NUB1: variants seen among roughly 807,000 people sequenced by gnomAD.
NUB1 encodes negative regulator of ubiquitin like proteins 1.
A neutral mutation model predicts 77.1 loss-of-function variants in NUB1; 41 were observed. The ratio of observed to expected loss-of-function variants is 0.53; its 90% confidence interval spans 0.41 to 0.69. NUB1 has a LOEUF of 0.69. Ranked by LOEUF, NUB1 falls within the 30% of genes least tolerant of loss-of-function variation. The pLI is 0.00. For missense variants in NUB1, 643 were observed against 743.8 expected (o/e 0.86, Z 1.58); for synonymous variants, 257 against 281.0 (o/e 0.91, Z 0.85).
chr7:151,342,176 G>A (rs1163593646), intron 1 of NUB1, among the ~76,000 whole-genome samples: 1 of 152,196 alleles, frequency 6.6e-6, no homozygotes, highest in Non-Finnish European at 1.5e-5. Context: ...TGCTATACTT[G>A]AATCGTAACA....
In NUB1 at chr7:151,375,901, C is replaced by T. The variant is rs182317005; in HGVS notation, c.1449C>T (p.Thr483=). Residue 483 remains threonine (T), a synonymous_variant, in exon 13 of 15, where the codon ACC becomes ACT. Transcript: ENST00000568733. ...MWWLNDSNPE[T]DNRQESPSQE... ...GGTTAAATGATTCCAATCCTGAAAC[C>T]GACAACCGTCAAGAAAGTCCTTCCC... The T allele has an allele frequency of 2.0e-4, 325 of 1,613,312 alleles. 1 individual carries two copies. In the African/African-American group the frequency reaches 2.9e-3, roughly 15 times the overall value.
intron 14 of NUB1, 58 bp from the exon 15 acceptor site, chr7:151,376,989 C>T: frequency 6.9e-7 from 1 of 1,446,980 alleles, no homozygotes; most frequent in Non-Finnish European, 9.2e-7. Context: ...TGTGGTCGTG[C>T]AGTGTCCCCA....
In NUB1 at chr7:151,360,176, C is replaced by T; in HGVS notation, c.729C>T (p.Gly243=). 1 of 1,607,494 alleles carries T rather than the reference C, an allele frequency of 6.2e-7. No homozygotes were observed. Residue 243 remains glycine, a synonymous_variant, in exon 8 of 15, where the codon GGC becomes GGT. Transcript: ENST00000568733. ...LMLAMGYHEK[G]RAFLKRKEYG... ...TAGCTATGGGATATCATGAGAAGGG[C>T]AGAGCTTTCCTGAAAAGAAAAGAAT...
intron 2 of NUB1, 81 bp from the exon 3 acceptor site, chr7:151,348,992 C>T: frequency 7.6e-7 from 1 of 1,313,674 alleles, no homozygotes; most frequent in Non-Finnish European, 1.1e-6. Context: ...AGTTGATGGC[C>T]TTAGAGTCTT....
chr7:151,366,739 T>G (rs1461822596), intron 8 of NUB1, among the ~76,000 whole-genome samples, 200 bp from the exon 9 acceptor site: 1 of 152,222 alleles, frequency 6.6e-6, no homozygotes, highest in Non-Finnish European at 1.5e-5. Context: ...TTCTGATTTC[T>G]CTTTCTTTCC....
chr7:151,364,407 C>T (rs1797543846), intron 8 of NUB1, among the ~76,000 whole-genome samples: 1 of 140,072 alleles, frequency 7.1e-6, no homozygotes, highest in South Asian at 2.4e-4. Context: ...GAGGAGAGAG[C>T]GAGACTCCGT....
intron 13 of NUB1, chr7:151,376,425 T>C: frequency 1.8e-6 from 1 of 559,402 alleles, no homozygotes; most frequent in Non-Finnish European, 3.1e-6. Flanking sequence ...AGATGGCTGC[T>C]CCCTGACGCA....
chr7:151,377,745 C>G lies in NUB1; in HGVS notation c.*520C>G, dbSNP rs1195463762. 1 of 152,396 alleles carries G rather than the reference C, an allele frequency of 6.6e-6. No individual in the cohort carries two copies. Among genetic ancestry groups the G allele is most frequent in the African/African-American group, 2.4e-5 (1 of 41,454 alleles). The allele number at this position is 152,396 out of a possible 1,614,324, so 9.4% of individuals were successfully genotyped here. On this transcript the variant is annotated 3_prime_UTR_variant, in exon 15 of 15. Coordinates refer to ENST00000568733, the MANE Select transcript of NUB1 (RefSeq NM_001243351.2). ...GTCCTTTAAGTCTTCCTTCCAAGTG[C>G]TGTGGGGCATAACGATGAGGCGCTG...
At chr7:151,358,978 T>C (rs1385863684) in intron 7 of NUB1, among the ~76,000 whole-genome samples, 4 of 150,856 alleles carry the variant, frequency 2.7e-5, no homozygotes, top group Non-Finnish European at 5.9e-5. Context: ...GGTGGAAGAA[T>C]GGCGTGAACT....
rs1798298056 is a variant in NUB1 at position 151,376,776 on chromosome 7, TGTCCCCGCCAGCCAC to T, written c.1641_1655del (p.Pro548_Pro552del). 1 of 1,593,060 alleles carries T rather than the reference TGTCCCCGCCAGCCAC, an allele frequency of 6.3e-7. No homozygotes were observed. ...CTGCCGCTGTCGCCAGAAGACTCTT[TGTCCCCGCCAGCCAC>T]GTCCCCTTCTGACTCCGCAGGTAGG... On this transcript the variant is annotated inframe_deletion, in exon 14 of 15. Coordinates refer to ENST00000568733, the MANE Select transcript of NUB1 (RefSeq NM_001243351.2).
chr7:151,369,664 G>T (rs1797870084), intron 11 of NUB1, among the ~76,000 whole-genome samples: 1 of 152,164 alleles, frequency 6.6e-6, no homozygotes, highest in African/African-American at 2.4e-5. Context: ...AAGAACTGAG[G>T]TCTAGAGGGC....
At chr7:151,343,126 A>G (rs1796291886) in intron 1 of NUB1, among the ~76,000 whole-genome samples, 1 of 152,224 alleles carries the variant, frequency 6.6e-6, no homozygotes, top group African/African-American at 2.4e-5. Flanking sequence ...TATGTAAAGT[A>G]GTTTTTAAAG....
intron 8 of NUB1, among the ~76,000 whole-genome samples, chr7:151,364,375 T>C (rs1342753523): frequency 1.3e-5 from 2 of 148,870 alleles, no homozygotes; most frequent in African/African-American, 4.9e-5. Flanking sequence ...GAGCCGAGAT[T>C]GCACCACTGC....
At chr7:151,356,050 A>G in intron 6 of NUB1, 78 bp from the exon 7 acceptor site, 2 of 1,548,320 alleles carry the variant, frequency 1.3e-6, no homozygotes, top group Non-Finnish European at 1.8e-6. Flanking sequence ...TCACCTCAAC[A>G]GTCTAACATT....
Position 151,357,413 on chromosome 7 carries a change from T to A in NUB1, c.693+1191T>A, listed in dbSNP as rs543806324. ...TTCTGGGATTACAGGTGTGAGCCACTGCACCCAGCCCCTTGGGGGCCTCTA... is the reference window on the plus strand; with the variant it reads ...TTCTGGGATTACAGGTGTGAGCCACAGCACCCAGCCCCTTGGGGGCCTCTA... On this transcript the variant is annotated intron_variant, in intron 7 of 14. Transcript: ENST00000568733. Among the ~76,000 whole-genome samples, 5 of 152,150 alleles carry A rather than the reference T, an allele frequency of 3.3e-5. No homozygotes were observed. In the South Asian group the frequency reaches 1.0e-3, roughly 32 times the overall value.
chr7:151,346,985 C>G (rs1323580916), intron 2 of NUB1, among the ~76,000 whole-genome samples: 1 of 152,068 alleles, frequency 6.6e-6, no homozygotes, highest in African/African-American at 2.4e-5. Context: ...AACGCTAACT[C>G]TGGGTAGTTA....
chr7:151,377,090 C>G lies in NUB1; in HGVS notation c.1713C>G (p.Ala571=), dbSNP rs190514928. The G allele has an allele frequency of 2.0e-5, 31 of 1,578,946 alleles. No individual in the cohort carries two copies. Among genetic ancestry groups the G allele is most frequent in the Non-Finnish European group, 2.6e-5 (30 of 1,163,156 alleles). The change falls in exon 15 of 15, where the codon GCC becomes GCG. Residue 571 remains alanine, a synonymous_variant. Transcript: ENST00000568733. The stretch of plus-strand genomic sequence containing the variant: ...CAGACGAAGACATGGAGACAGAGGC[C>G]GTCAATGAGATACTGGAAGACATTC... ...ASTDEDMETE[A]VNEILEDIPE... is the part of the protein sequence containing the mutation.
Position 151,355,838 on chromosome 7 carries a change from A to G in NUB1, c.486A>G (p.Glu162=). Residue 162 remains glutamate (E), a synonymous_variant, in exon 6 of 15, where the codon GAA becomes GAG. Coordinates refer to ENST00000568733, the MANE Select transcript of NUB1 (RefSeq NM_001243351.2). ...TGGTGCTTGAACTAAAACAATCTGA[A>G]GAGGACGCGAGGAAAAACTTCCAGT... ...KAMVLELKQS[E]EDARKNFQLE... 7 of 1,612,236 alleles carry G rather than the reference A, an allele frequency of 4.3e-6. No individual in the cohort carries two copies. The African/African-American group carries it at 6.7e-5, about 15-fold the overall frequency.
At chr7:151,346,934 A>T (rs1796527745) in intron 2 of NUB1, among the ~76,000 whole-genome samples, 1 of 152,120 alleles carries the variant, frequency 6.6e-6, no homozygotes, top group Non-Finnish European at 1.5e-5. Flanking sequence ...ATCTGAAGTT[A>T]GGGCTTTTTT....
Sources: gnomAD v4.1 joint callset for allele counts (sites outside exome capture counted in the v4.1 genomes callset) on GRCh38, gnomAD v4.1.1 for gene constraint, MANE v1.5 for transcripts, NCBI Gene and HGNC (gene_info 2026-07-23, HGNC 2026-07-21) for gene names.